The following TMEM154 variants were observed in gnomAD, a reference collection of about 807,000 sequenced individuals.
TMEM154 encodes the protein transmembrane protein 154.
Under a neutral mutation model 24.5 loss-of-function variants are expected in TMEM154, and 27 were observed. The observed-to-expected ratio is 1.10, with a 90% CI of 0.81 to 1.52. The LOEUF is 1.52. TMEM154 is among the 40% of genes most tolerant of loss of function. The pLI, the probability that TMEM154 is intolerant of heterozygous loss-of-function variation, is 0.00. For synonymous variants in TMEM154, 67 were observed against 76.8 expected (o/e 0.87, Z 0.67); for missense variants, 228 against 213.4 (o/e 1.07, Z -0.43).
intron 1 of TMEM154, among the ~76,000 whole-genome samples, chr4:152,668,010 T>C (rs1728754341): frequency 6.6e-6 from 1 of 152,258 alleles, no homozygotes; most frequent in East Asian, 1.9e-4. Flanking sequence ...GTCTTTTTCA[T>C]TTGAAACTTT....
rs1751859264 is a variant in TMEM154 at position 152,622,526 on chromosome 4, TA to T, written c.*6019del. 6.6e-6 allele frequency: 1 copy of T among 152,186 alleles called. No individual in the cohort carries two copies. The highest frequency in any genetic ancestry group is 1.5e-5 in the Non-Finnish European group (1 of 68,034). 9.4% of individuals were successfully genotyped at this position (152,186 alleles called of 1,614,324 possible). ...GATATTAATTACATAGAAATTCACA[TA>T]GAAGCTATTCATTCCTCATATCTTA... is the stretch of plus-strand genomic sequence containing the variant. On this transcript the variant is annotated 3_prime_UTR_variant, in exon 7 of 7. Coordinates refer to ENST00000304385, the MANE Select transcript of TMEM154 (RefSeq NM_152680.3).
intron 5 of TMEM154, among the ~76,000 whole-genome samples, 154 bp downstream of exon 5, chr4:152,642,934 T>C (rs149794628): frequency 1.3e-3 from 194 of 152,344 alleles, no homozygotes; most frequent in Middle Eastern, 3.4e-3. Context: ...ATTTAAGTAT[T>C]GTCAGACCAG....
At chr4:152,633,057 T>C (rs763214839) in intron 6 of TMEM154, among the ~76,000 whole-genome samples, 23 of 152,246 alleles carry the variant, frequency 1.5e-4, no homozygotes, top group Non-Finnish European at 2.5e-4. Flanking sequence ...TGAATATTGT[T>C]TCAAATATCC....
chr4:152,668,960 A>G (rs2149790004), intron 1 of TMEM154: 1 of 152,320 alleles, frequency 6.6e-6, no homozygotes, highest in South Asian at 2.1e-4. Context: ...AAGAGAATCA[A>G]TCCTACCCTT....
intron 6 of TMEM154, among the ~76,000 whole-genome samples, chr4:152,636,420 C>T (rs1752150128): frequency 6.6e-6 from 1 of 152,228 alleles, no homozygotes; most frequent in Admixed American, 6.5e-5. Context: ...ACTCCCCTCC[C>T]CCATGATTCC....
chr4:152,639,410 A>G (rs577054503), intron 6 of TMEM154, among the ~76,000 whole-genome samples: 1 of 152,338 alleles, frequency 6.6e-6, no homozygotes, highest in African/African-American at 2.4e-5. Flanking sequence ...ATAGAGTAAT[A>G]AGATACTTAA....
In TMEM154 at chr4:152,652,885, T is replaced by G. The variant is rs1352101618; in HGVS notation, c.107A>C (p.Glu36Ala). 39 of 1,613,348 alleles carry G rather than the reference T, an allele frequency of 2.4e-5. No homozygotes were observed. Among genetic ancestry groups the G allele is most frequent in the Non-Finnish European group, 3.3e-5 (39 of 1,179,738 alleles). The change falls in exon 2 of 7, where the codon GAA becomes GCA. Residue 36 changes from glutamate (E) to alanine (A), a missense_variant. Transcript: ENST00000304385. ...AGTCACTTTATTTGGTCTTTCAGAT[T>G]CCACAGTTGTATCTCCTGAGTTTTC... ...ELENSGDTTVESERPNKVTIP... is the reference protein window; with the variant it reads ...ELENSGDTTVASERPNKVTIP...
intron 1 of TMEM154, among the ~76,000 whole-genome samples, chr4:152,664,730 C>T (rs1182800844): frequency 6.6e-6 from 1 of 152,170 alleles, no homozygotes; most frequent in Non-Finnish European, 1.5e-5. Context: ...TCAGATGCCC[C>T]ATTCTTTCAT....
At chr4:152,629,332 C>A (rs1422703215) in intron 6 of TMEM154, among the ~76,000 whole-genome samples, 3 of 152,218 alleles carry the variant, frequency 2.0e-5, no homozygotes, top group Non-Finnish European at 4.4e-5. Flanking sequence ...TTCATACCTA[C>A]AAAGGAGCTG....
Position 152,652,801 on chromosome 4 carries a change from G to T in TMEM154, c.191C>A (p.Ser64Tyr). ...ATTTTCATCCGGAGCAAAGTTGGTA[G>T]AATTTATATTTGCATTTAATGTTTC... Reference protein sequence around the residue: ...IKETLNANINSTNFAPDENQL... With the variant: ...IKETLNANINYTNFAPDENQL... The change falls in exon 2 of 7, where the codon TCT (serine) becomes TAT (tyrosine). Residue 64 changes from serine to tyrosine, a missense_variant. Transcript: ENST00000304385. 1 of 1,614,060 alleles carries T rather than the reference G, an allele frequency of 6.2e-7. No homozygotes were observed. The highest frequency in any genetic ancestry group is 8.5e-7 in the Non-Finnish European group (1 of 1,179,994).
rs552484655 is a variant in TMEM154 at position 152,620,122 on chromosome 4, G to T, written c.*8424C>A. The T allele has an allele frequency of 1.3e-5, 2 of 152,138 alleles. No individual in the cohort carries two copies. The highest frequency in any genetic ancestry group is 4.8e-5 in the African/African-American group (2 of 41,412). 9.4% of individuals were successfully genotyped at this position (152,138 alleles called of 1,614,324 possible). A position where few individuals can be genotyped will look rare whatever the true frequency, so the allele number is the denominator to read the frequency against. On this transcript the variant is annotated 3_prime_UTR_variant, in exon 7 of 7. Transcript: ENST00000304385. The stretch of plus-strand genomic sequence containing the variant: ...AAGCCAGCACGACTATGGCTGTGAA[G>T]AGGCAACATGCCAGTCTGCTTGAAT...
chr4:152,647,703 G>T (rs1340826499), intron 3 of TMEM154, among the ~76,000 whole-genome samples: 1 of 152,216 alleles, frequency 6.6e-6, no homozygotes, highest in African/African-American at 2.4e-5. Flanking sequence ...CAAGCAGCTA[G>T]TGTGTGTTGG....
rs1392724315 is a variant in TMEM154, at chr4:152,621,507, G to A, written c.*7039C>T. 1 of 152,224 alleles carries A rather than the reference G, an allele frequency of 6.6e-6. No individual in the cohort carries two copies. The highest frequency in any genetic ancestry group is 1.9e-4 in the East Asian group (1 of 5,198). The allele number at this position is 152,224 out of a possible 1,614,324, so 9.4% of individuals were successfully genotyped here. On this transcript the variant is annotated 3_prime_UTR_variant, in exon 7 of 7. Coordinates refer to ENST00000304385, the MANE Select transcript of TMEM154 (RefSeq NM_152680.3). The stretch of plus-strand genomic sequence containing the variant: ...GCTAAGTTCTAGTTAAAACAGGGAG[G>A]AAATAGACTCTGCATCAGTTTCTAG...
intron 4 of TMEM154, 64 bp downstream of exon 4, chr4:152,644,351 G>A: frequency 1.3e-6 from 2 of 1,556,934 alleles, no homozygotes; most frequent in Non-Finnish European, 1.8e-6. Flanking sequence ...TGAAAAGGCA[G>A]CTGTCCACCT....
chr4:152,657,247 C>T (rs779073397), intron 1 of TMEM154, among the ~76,000 whole-genome samples: 3 of 151,090 alleles, frequency 2.0e-5, no homozygotes, highest in Non-Finnish European at 4.4e-5. Flanking sequence ...GATGCAGTGG[C>T]TCATGCCTGT....
chr4:152,674,445 C>G (rs1043934343), intron 1 of TMEM154, among the ~76,000 whole-genome samples: 2 of 152,182 alleles, frequency 1.3e-5, no homozygotes, highest in Non-Finnish European at 2.9e-5. Flanking sequence ...TTGGATTGCT[C>G]TATTCCTTTC....
Position 152,625,854 on chromosome 4 carries a change from T to G in TMEM154, c.*2692A>C, listed in dbSNP as rs532714102. On this transcript the variant is annotated 3_prime_UTR_variant, in exon 7 of 7. Coordinates refer to ENST00000304385, the MANE Select transcript of TMEM154 (RefSeq NM_152680.3). ...GAGTTTGAAACCAGCCTGGGCAACA[T>G]AGTGAGACCCTGTCTTTAAAAAATA... is the stretch of plus-strand genomic sequence containing the variant. The G allele has an allele frequency of 8.5e-5, 13 of 152,284 alleles. No homozygotes were observed. In the East Asian group the frequency reaches 2.5e-3, roughly 29 times the overall value. The allele number at this position is 152,284 out of a possible 1,614,324, so 9.4% of individuals were successfully genotyped here.
intron 5 of TMEM154, among the ~76,000 whole-genome samples, chr4:152,642,686 CG>C (rs1324752091): frequency 2.6e-5 from 4 of 152,076 alleles, no homozygotes; most frequent in Non-Finnish European, 5.9e-5. Flanking sequence ...TTATCTATTA[CG>C]TTGAACAGCA....
At chr4:152,634,031 CAAAAAA>C (rs1167923301) in intron 6 of TMEM154, among the ~76,000 whole-genome samples, 1 of 20,412 alleles carries the variant, frequency 4.9e-5, no homozygotes, top group Non-Finnish European at 1.0e-4. Context: ...GACCCCATCT[CAAAAAA>C]AAAAAAAAAA....
Sources: gnomAD v4.1 joint callset for allele counts (sites outside exome capture counted in the v4.1 genomes callset) on GRCh38, gnomAD v4.1.1 for gene constraint, MANE v1.5 for transcripts, NCBI Gene and HGNC (gene_info 2026-07-23, HGNC 2026-07-21) for gene names.